SMG1: variants seen among roughly 807,000 people sequenced by gnomAD.
SMG1 encodes the protein serine/threonine-protein kinase SMG1.
A neutral mutation model predicts 419.9 loss-of-function variants in SMG1; 22 were observed. That is an observed-to-expected ratio of 0.05 (90% CI 0.04 to 0.07). The LOEUF (loss-of-function observed/expected upper bound fraction) is 0.07, where lower values mean the gene tolerates loss of function less well. SMG1 is among the 10% of genes least tolerant of loss of function. The pLI, the probability that SMG1 is intolerant of heterozygous loss-of-function variation, is 1.00. For synonymous variants in SMG1, 1,538 were observed against 1,553.5 expected, an observed-to-expected ratio of 0.99 and a Z score of 0.23; for missense variants, 3,185 against 4,342.0, an observed-to-expected ratio of 0.73 and a Z score of 7.49.
intron 48 of SMG1, 133 bp from the exon 49 acceptor site, chr16:18,835,297 C>G (rs947690964): frequency 1.0e-6 from 1 of 999,956 alleles, no homozygotes; most frequent in Non-Finnish European, 1.4e-6. Flanking sequence ...AAAAATGTCT[C>G]AAGAGCTTAA....
In SMG1 at chr16:18,812,112, G is replaced by A; in HGVS notation, c.10637C>T (p.Thr3546Ile). 6.2e-7 allele frequency: 1 copy of A among 1,612,880 alleles called. No homozygotes were observed. The highest frequency in any genetic ancestry group is 8.5e-7 in the Non-Finnish European group (1 of 1,179,344). The change falls in exon 61 of 63, where the codon ACT becomes ATT. Residue 3546 changes from threonine (T) to isoleucine (I), a missense_variant. This residue lies in a region of SMG1 where 737 missense variants were observed against 846.6 expected (regional missense o/e 0.87). Transcript: ENST00000446231. ...GACATCAGGCTGAGTCTTCTGGCCA[G>A]TGTTACTCCGGACTGCTACAGAGAA... ...PSFAAAVRSN[T>I]GQKTQPDVMS...
At chr16:18,858,421 A>G (rs1243403440) in intron 28 of SMG1, 131 bp from the exon 29 acceptor site, 2 of 635,588 alleles carry the variant, frequency 3.1e-6, no homozygotes, top group Non-Finnish European at 5.1e-6. Context: ...AGTTTTATCT[A>G]TTACACTATA....
At chr16:18,830,142 C>G (rs2033066630) in intron 52 of SMG1, 27 bp from the exon 53 acceptor site, 1 of 1,600,726 alleles carries the variant, frequency 6.2e-7, no homozygotes, top group African/African-American at 1.3e-5. Context: ...AAACAAAGTT[C>G]ATTTCTCCAC....
intron 1 of SMG1, among the ~76,000 whole-genome samples, chr16:18,898,018 TC>T (rs1249573723): frequency 2.6e-5 from 4 of 152,246 alleles, no homozygotes; most frequent in African/African-American, 9.6e-5. Context: ...ACTAAGCTAT[TC>T]CTCTATGCTT....
chr16:18,858,647 A>AT (rs2035046900), intron 28 of SMG1: 1 of 214,654 alleles, frequency 4.7e-6, no homozygotes, highest in African/African-American at 2.3e-5. Context: ...CTCGAAGATC[A>AT]TCATTCATTC....
At chr16:18,817,551 T>C (rs1674156732) in intron 56 of SMG1, 81 bp from the exon 57 acceptor site, 5 of 1,122,786 alleles carry the variant, frequency 4.5e-6, no homozygotes, top group Non-Finnish European at 6.2e-6. Flanking sequence ...CATGAAAAAA[T>C]ACTACTTCCT....
chr16:18,913,264 T>C (rs897606320), intron 1 of SMG1, among the ~76,000 whole-genome samples: 2 of 152,134 alleles, frequency 1.3e-5, no homozygotes, highest in Non-Finnish European at 2.9e-5. Flanking sequence ...CCAGGGTTTG[T>C]ATCATCAGGA....
chr16:18,830,585 C>A (rs1429757169), intron 51 of SMG1, among the ~76,000 whole-genome samples: 3 of 152,016 alleles, frequency 2.0e-5, no homozygotes, highest in Non-Finnish European at 1.5e-5. Context: ...GTCAGGAGTT[C>A]AAGACCAGCC....
chr16:18,864,189 T>TTA, intron 23 of SMG1, 45 bp from the exon 24 acceptor site: 84 of 484,754 alleles, frequency 1.7e-4, no homozygotes, highest in Non-Finnish European at 2.1e-4. Context: ...TCTACTTACT[T>TTA]TTTTTTTTTT....
chr16:18,917,486 C>T (rs1056391630), intron 1 of SMG1, among the ~76,000 whole-genome samples: 2 of 151,870 alleles, frequency 1.3e-5, no homozygotes, highest in Admixed American at 6.6e-5. Context: ...ACATAATACT[C>T]AGGTCCTTAG....
chr16:18,921,255 G>A (rs1399466679), intron 1 of SMG1, among the ~76,000 whole-genome samples: 1 of 151,872 alleles, frequency 6.6e-6, no homozygotes, highest in Non-Finnish European at 1.5e-5. Flanking sequence ...GGAGGCTAAG[G>A]CGGGAGGATT....
intron 60 of SMG1, among the ~76,000 whole-genome samples, chr16:18,812,661 CAT>C (rs71141068): frequency 3.3e-5 from 5 of 150,888 alleles, no homozygotes; most frequent in East Asian, 3.9e-4. Context: ...CACACACACA[CAT>C]ATATATATAC....
rs1037002999 is a variant in SMG1 at position 18,850,068 on chromosome 16, G to C, written c.5342C>G (p.Thr1781Ser). The change falls in exon 35 of 63, where the codon ACT becomes AGT. Residue 1781 changes from threonine (T) to serine (S), a missense_variant. By Grantham distance (58) the Thr-to-Ser change is moderately conservative. Coordinates refer to ENST00000446231, the MANE Select transcript of SMG1 (RefSeq NM_015092.5). The part of the protein sequence containing the change: ...LHLSHRVEQS[T>S]DDMIVMATLR... Reference sequence around the variant, plus strand: ...TGTGGCCATCACAATCATGTCATCAGTGCTCTGTTCCACTCTGTGACTTAA... The same window carrying C: ...TGTGGCCATCACAATCATGTCATCACTGCTCTGTTCCACTCTGTGACTTAA... 1 of 1,614,008 alleles carries C rather than the reference G, an allele frequency of 6.2e-7. No homozygotes were observed. Among genetic ancestry groups the C allele is most frequent in the Admixed American group, 1.7e-5 (1 of 60,024 alleles).
intron 1 of SMG1, among the ~76,000 whole-genome samples, chr16:18,921,771 G>A (rs2038209587): frequency 6.6e-6 from 1 of 152,150 alleles, no homozygotes; most frequent in Non-Finnish European, 1.5e-5. Context: ...CACAACATCA[G>A]ACATACTAGT....
chr16:18,871,479 T>G lies in SMG1; in HGVS notation c.2187A>C (p.Lys729Asn). 6.4e-7 allele frequency: 1 copy of G among 1,562,100 alleles called. No homozygotes were observed. Residue 729 changes from lysine (K) to asparagine (N), a missense_variant, in exon 16 of 63, where the codon AAA becomes AAC. Physicochemically the swap from Lys to Asn is moderately conservative, Grantham distance 94. This residue lies in a region of SMG1 where 297 missense variants were observed against 491.0 expected (regional missense o/e 0.60). Transcript: ENST00000446231. Reference protein sequence around the residue: ...KKDNLNQDTRKLLMTWALEAA... With the variant: ...KKDNLNQDTRNLLMTWALEAA... ...CTTCCAAAGCCCAAGTCATTAACAGTTTCCTGAAACACAAAATATACAGTT... is the reference window on the plus strand; with the variant it reads ...CTTCCAAAGCCCAAGTCATTAACAGGTTCCTGAAACACAAAATATACAGTT...
In SMG1 at chr16:18,841,689, C is replaced by T. The variant is rs749375278; in HGVS notation, c.6572G>A (p.Arg2191Gln). ...TCCTAGTGGTGTTACAGAATAGTGT[C>T]GAGCATGGAACCGGGGTGTTTCTTG... is the stretch of plus-strand genomic sequence containing the variant. ...NRQETPRFHA[R>Q]HYSVTPLGTR... Residue 2191 changes from arginine (R) to glutamine (Q), a missense_variant, in exon 41 of 63, where the codon CGA becomes CAA. This residue lies in a region of SMG1 where 35 missense variants were observed against 33.8 expected (regional missense o/e 1.04). Transcript: ENST00000446231. 1.2e-6 allele frequency: 2 copies of T among 1,613,910 alleles called. No individual in the cohort carries two copies. The highest frequency in any genetic ancestry group is 1.7e-6 in the Non-Finnish European group (2 of 1,179,890).
intron 6 of SMG1, among the ~76,000 whole-genome samples, chr16:18,888,926 C>T (rs1189488062): frequency 6.7e-6 from 1 of 148,582 alleles, no homozygotes; most frequent in East Asian, 2.0e-4. Flanking sequence ...AGGTTCACGG[C>T]ATTCTCCTGC....
rs372357393 is a variant in SMG1, at chr16:18,830,070, T to C, written c.8989A>G (p.Ile2997Val). ...ACTTGAGTACTCCTGGCTTCCCTTA[T>C]GATGTCAATCTTTCGCCAAGCTATG... is the stretch of plus-strand genomic sequence containing the variant. ...IPIAWRKIDI[I>V]REARSTQVNF... Residue 2997 changes from isoleucine to valine, a missense_variant, in exon 53 of 63, where the codon ATA (isoleucine) becomes GTA (valine). Physicochemically the swap from Ile to Val is conservative, Grantham distance 29. This residue lies in a region of SMG1 where 737 missense variants were observed against 846.6 expected (regional missense o/e 0.87). Coordinates refer to ENST00000446231, the MANE Select transcript of SMG1 (RefSeq NM_015092.5). 5.0e-6 allele frequency: 8 copies of C among 1,605,180 alleles called. No homozygotes were observed. The highest frequency in any genetic ancestry group is 1.3e-5 in the African/African-American group (1 of 74,742).
chr16:18,874,889 A>C (rs917277348), intron 13 of SMG1, among the ~76,000 whole-genome samples: 1 of 94,174 alleles, frequency 1.1e-5, no homozygotes, highest in Non-Finnish European at 2.1e-5. Flanking sequence ...AAAAAAAAAA[A>C]AAAAAAAAAA....
Sources: allele counts gnomAD v4.1 joint callset (sites outside exome capture counted in the v4.1 genomes callset), GRCh38; gene constraint gnomAD v4.1.1; regional missense constraint gnomAD v4.1.1; transcripts MANE v1.5; gene names NCBI Gene and HGNC (gene_info 2026-07-23, HGNC 2026-07-21).